Variants in PIK3R4 observed in about 807,000 individuals in gnomAD.
The protein encoded by PIK3R4 is phosphoinositide-3-kinase regulatory subunit 4.
A neutral mutation model predicts 136.5 loss-of-function variants in PIK3R4; 46 were observed. That is an observed-to-expected ratio of 0.34 (90% CI 0.27 to 0.43). PIK3R4 has a LOEUF of 0.43. PIK3R4 is among the 20% of genes least tolerant of loss of function. The pLI, the probability that PIK3R4 is intolerant of heterozygous loss-of-function variation, is 1.00. For missense variants in PIK3R4, 1,331 were observed against 1,649.5 expected (o/e 0.81, Z 3.35); for synonymous variants, 557 against 566.7 (o/e 0.98, Z 0.24).
chr3:130,710,154 G>C (rs1385566150), intron 9 of PIK3R4, among the ~76,000 whole-genome samples: 2 of 151,962 alleles, frequency 1.3e-5, no homozygotes, highest in Non-Finnish European at 2.9e-5. Context: ...CCACTAAAGT[G>C]AGCAAACCAA....
At chr3:130,681,811 T>C (rs922667401) in intron 16 of PIK3R4, among the ~76,000 whole-genome samples, 5 of 152,150 alleles carry the variant, frequency 3.3e-5, no homozygotes, top group African/African-American at 1.2e-4. Context: ...GAAGAAGAGA[T>C]GGCAAACAAA....
At chr3:130,685,688 A>G (rs2066485804) in intron 15 of PIK3R4, among the ~76,000 whole-genome samples, 1 of 152,224 alleles carries the variant, frequency 6.6e-6, no homozygotes, top group African/African-American at 2.4e-5. Flanking sequence ...GGCAAACAAT[A>G]AAGTAAGAAA....
chr3:130,743,916 G>C (rs982732195), intron 2 of PIK3R4, among the ~76,000 whole-genome samples: 11 of 152,110 alleles, frequency 7.2e-5, no homozygotes, highest in African/African-American at 2.7e-4. Context: ...ATCATATTCT[G>C]GTCTTTAAGC....
At chr3:130,716,285 T>A in intron 9 of PIK3R4, 111 bp downstream of exon 9, 1 of 819,604 alleles carries the variant, frequency 1.2e-6, no homozygotes, top group East Asian at 2.5e-5. Context: ...TACTTACTCA[T>A]TTTTATGATG....
intron 19 of PIK3R4, 68 bp from the exon 20 acceptor site, chr3:130,679,553 T>A: frequency 2.9e-6 from 3 of 1,050,498 alleles, no homozygotes; most frequent in Non-Finnish European, 4.3e-6. Context: ...CTCTCGTCAG[T>A]AGTCCTGCTT....
In PIK3R4 at chr3:130,728,647, A is replaced by T. The variant is rs754479378; in HGVS notation, c.1623T>A (p.Val541=). 1 of 1,609,166 alleles carries T rather than the reference A, an allele frequency of 6.2e-7. No homozygotes were observed. The highest frequency in any genetic ancestry group is 8.5e-7 in the Non-Finnish European group (1 of 1,177,602). ...TTTCAGGGTCACTTAGCAAAGTAAC[A>T]ACTTTCTGCTGGACCATTTCATGTA... ...QALHEMVQQK[V]VTLLSDPENI... The change falls in exon 6 of 20, where the codon GTT becomes GTA. Residue 541 remains valine, a synonymous_variant. Coordinates refer to ENST00000356763, the MANE Select transcript of PIK3R4 (RefSeq NM_014602.3).
chr3:130,726,555 T>C (rs116612756), intron 6 of PIK3R4, among the ~76,000 whole-genome samples: 133 of 152,122 alleles, frequency 8.7e-4, no homozygotes, highest in African/African-American at 3.0e-3. Flanking sequence ...GATCAGCATA[T>C]GACAGAAAGG....
Position 130,742,230 on chromosome 3 carries a change from G to A in PIK3R4, c.733+2256C>T, listed in dbSNP as rs16831281. ...CCACCCACCTCTTTTTCAAAGGAAC[G>A]GAAGGGCCTACCTTCAGCCAAAACA... On this transcript the variant is annotated intron_variant, in intron 2 of 19. Transcript: ENST00000356763. Among the ~76,000 whole-genome samples the A allele has an allele frequency of 0.013, 2,017 of 152,236 alleles. 221 individuals carry two copies. In the East Asian group the frequency reaches 0.28, roughly 21 times the overall value.
intron 13 of PIK3R4, among the ~76,000 whole-genome samples, chr3:130,702,053 A>G (rs1319850357): frequency 1.3e-5 from 2 of 151,938 alleles, no homozygotes; most frequent in African/African-American, 4.8e-5. Flanking sequence ...AGGCGGGAGG[A>G]TTGCTTGAAA....
In PIK3R4 at chr3:130,679,520, TAA is replaced by T. The variant is rs752536686; in HGVS notation, c.3907-37_3907-36del. 3.9e-6 allele frequency: 6 copies of T among 1,521,036 alleles called. No homozygotes were observed. The East Asian group carries it at 1.4e-4, about 35-fold the overall frequency. The allele number at this position is 1,521,036 out of a possible 1,614,324, so 94.2% of individuals were successfully genotyped here. On this transcript the variant is annotated intron_variant, in intron 19 of 19. Coordinates refer to ENST00000356763, the MANE Select transcript of PIK3R4 (RefSeq NM_014602.3). ...GATTAAAAGGGAGCAAGCCAGAGGT[TAA>T]AAGTCTGTACCACATTTTTCCTCTC...
At chr3:130,696,591 C>A (rs2066547392) in intron 13 of PIK3R4, among the ~76,000 whole-genome samples, 1 of 152,148 alleles carries the variant, frequency 6.6e-6, no homozygotes, top group Non-Finnish European at 1.5e-5. Flanking sequence ...TAGTTTCATT[C>A]CAATTTGGTT....
At chr3:130,743,729 C>A (rs1024790015) in intron 2 of PIK3R4, among the ~76,000 whole-genome samples, 2 of 152,170 alleles carry the variant, frequency 1.3e-5, no homozygotes, top group South Asian at 2.1e-4. Flanking sequence ...AATCTTAAGC[C>A]GGTCACAATC....
chr3:130,708,859 C>T (rs11707059), intron 9 of PIK3R4, among the ~76,000 whole-genome samples: 31,269 of 152,006 alleles, frequency 0.21, 3,482 homozygotes, highest in South Asian at 0.36. Context: ...GTGAACAAAA[C>T]TCTGAATGTA....
At chr3:130,692,117 C>T (rs1309335033) in intron 13 of PIK3R4, among the ~76,000 whole-genome samples, 3 of 151,934 alleles carry the variant, frequency 2.0e-5, no homozygotes, top group Non-Finnish European at 4.4e-5. Context: ...CCTAGTGATC[C>T]GCCTGCCTCA....
In PIK3R4 at chr3:130,708,294, G is replaced by A. The variant is rs757861606; in HGVS notation, c.2530C>T (p.Arg844Trp). The part of the protein sequence containing the change: ...VKTKQEPDDK[R>W]ARKHVKQDSN... ...ACACACAAACAAGCATACTAACCCCGTTTGTCATCTGGTTCTTGTTTGGTT... is the reference window on the plus strand; with the variant it reads ...ACACACAAACAAGCATACTAACCCCATTTGTCATCTGGTTCTTGTTTGGTT... Residue 844 changes from arginine to tryptophan, a missense_variant, in exon 10 of 20, where the codon CGG becomes TGG. By Grantham distance (101) the Arg-to-Trp change is moderately radical. Transcript: ENST00000356763. 11 of 1,612,242 alleles carry A rather than the reference G, an allele frequency of 6.8e-6. No individual in the cohort carries two copies. The highest frequency in any genetic ancestry group is 2.2e-5 in the East Asian group (1 of 44,850).
Position 130,705,754 on chromosome 3 carries a change from A to G in PIK3R4, c.2739T>C (p.Thr913=). Residue 913 remains threonine, a synonymous_variant, in exon 12 of 20, where the codon ACT becomes ACC. Transcript: ENST00000356763. ...GTATTACTGGTTTTTTATTTTGGAC[A>G]GTTGTCACTTCTGGAACCTACAAAA... The part of the protein sequence containing the change: ...STSSQVPEVT[T]VQNKKPVIPV... 1 of 1,604,142 alleles carries G rather than the reference A, an allele frequency of 6.2e-7. No homozygotes were observed. Among genetic ancestry groups the G allele is most frequent in the Non-Finnish European group, 8.5e-7 (1 of 1,171,034 alleles).
chr3:130,707,058 T>C lies in PIK3R4; in HGVS notation c.2611A>G (p.Met871Val), dbSNP rs377304214. The change falls in exon 11 of 20, where the codon ATG becomes GTG. Residue 871 changes from methionine (M) to valine (V), a missense_variant. By Grantham distance (21) the Met-to-Val change is conservative (BLOSUM62 1). This residue lies in a region of PIK3R4 where 1,180 missense variants were observed against 1,407.0 expected (regional missense o/e 0.84). Coordinates refer to ENST00000356763, the MANE Select transcript of PIK3R4 (RefSeq NM_014602.3). Reference sequence around the variant, plus strand: ...CTCCCTTTAGGTAGGGCCTGTGGCATGTTTGGTGGGTCCAGTGACCCAAAC... The same window carrying C: ...CTCCCTTTAGGTAGGGCCTGTGGCACGTTTGGTGGGTCCAGTGACCCAAAC... ...SMFGSLDPPN[M>V]PQALPKGSDQ... 47 of 1,612,632 alleles carry C rather than the reference T, an allele frequency of 2.9e-5. No individual in the cohort carries two copies. The highest frequency in any genetic ancestry group is 3.6e-5 in the Non-Finnish European group (43 of 1,179,410).
In PIK3R4 at chr3:130,718,123, T is replaced by G. The variant is rs118125690; in HGVS notation, c.2127+266A>C. Among the ~76,000 whole-genome samples, 1,282 of 152,302 alleles carry G rather than the reference T, an allele frequency of 8.4e-3. 19 individuals carry two copies. The highest frequency in any genetic ancestry group is 0.052 in the East Asian group (270 of 5,184). On this transcript the variant is annotated intron_variant, in intron 8 of 19. Transcript: ENST00000356763. ...ACTATATTTCACTTTTAACAGTTGC[T>G]TTATAATATTACACAAAAGAAAATA...
At chr3:130,733,441 C>T (rs907745403) in intron 4 of PIK3R4, 107 bp downstream of exon 4, 12 of 702,408 alleles carry the variant, frequency 1.7e-5, no homozygotes, top group South Asian at 3.8e-5. Context: ...GTTCAAAGAG[C>T]AAAGTTCATA....
Sources: allele counts gnomAD v4.1 joint callset (sites outside exome capture counted in the v4.1 genomes callset), GRCh38; gene constraint gnomAD v4.1.1; regional missense constraint gnomAD v4.1.1; transcripts MANE v1.5; gene names NCBI Gene and HGNC (gene_info 2026-07-23, HGNC 2026-07-21).